Variants in RAB37 observed in about 807,000 individuals in gnomAD.
RAB37 encodes the protein RAB37, member RAS oncogene family, also known as ras-related protein Rab-37.
In RAB37, 29 loss-of-function variants were observed where a neutral mutation model predicts 33.1. That is an observed-to-expected ratio of 0.88 (90% CI 0.65 to 1.20). The LOEUF (loss-of-function observed/expected upper bound fraction) is 1.20. Ranked by LOEUF, RAB37 falls within the 50% of genes most tolerant of loss-of-function variation. The pLI, the probability that RAB37 is intolerant of heterozygous loss-of-function variation, is 0.00. For missense variants in RAB37, 299 were observed against 301.1 expected, an observed-to-expected ratio of 0.99 and a Z score of 0.05; for synonymous variants, 128 against 119.5, an observed-to-expected ratio of 1.07 and a Z score of -0.47.
chr17:74,733,944 C>T (rs1474294660), upstream of RAB37, among the ~76,000 whole-genome samples: 1 of 152,172 alleles, frequency 6.6e-6, no homozygotes, highest in Non-Finnish European at 1.5e-5. Flanking sequence ...AAGACTTCTT[C>T]CCTAGGTCAG....
At chr17:74,718,326 T>TATCATATCATATCATATCA (rs1555591409) in intron 1 of RAB37, among the ~76,000 whole-genome samples, 3 of 148,906 alleles carry the variant, frequency 2.0e-5, no homozygotes, top group African/African-American at 7.4e-5. Flanking sequence ...CATCATATCA[T>TATCATATCATATCATATCA]ATCATATCAT....
At chr17:74,713,899 CAAAAAAAAAA>C (rs55993385) in intron 1 of RAB37, among the ~76,000 whole-genome samples, 6 of 51,160 alleles carry the variant, frequency 1.2e-4, no homozygotes, top group Admixed American at 6.3e-4. Flanking sequence ...TTCATCTCCA[CAAAAAAAAAA>C]AAAAAAAAAA....
At chr17:74,685,072 A>G (rs2032027869) in intron 1 of RAB37, among the ~76,000 whole-genome samples, 1 of 151,664 alleles carries the variant, frequency 6.6e-6, no homozygotes, top group Non-Finnish European at 1.5e-5. Context: ...TGTACCTACC[A>G]TCTATATTTA....
chr17:74,711,997 T>A (rs1265205587), intron 1 of RAB37, among the ~76,000 whole-genome samples: 1 of 150,418 alleles, frequency 6.6e-6, no homozygotes, highest in Non-Finnish European at 1.5e-5. Context: ...CTCCAACTCC[T>A]GGGCTCAAGT....
rs143947566 is a variant in RAB37, at chr17:74,742,815, C to T, written c.247-314C>T. ...TAATTTTTTGTATTTTTAGTAGAGACGGGGTTTCACTGTGTTAGCCAGGAT... is the reference window on the plus strand; with the variant it reads ...TAATTTTTTGTATTTTTAGTAGAGATGGGGTTTCACTGTGTTAGCCAGGAT... On this transcript the variant is annotated intron_variant, in intron 3 of 8. Coordinates refer to ENST00000392613, the MANE Select transcript of RAB37 (RefSeq NM_001006638.3). This position sits in a 1 kb window ranked among gnomAD's most constrained non-coding sequence, Gnocchi z 4.0. Among the ~76,000 whole-genome samples the T allele has an allele frequency of 2.7e-3, 408 of 151,974 alleles. 3 individuals are homozygous for T. Among genetic ancestry groups the T allele is most frequent in the African/African-American group, 9.2e-3 (382 of 41,444 alleles).
intron 1 of RAB37, among the ~76,000 whole-genome samples, chr17:74,721,558 G>A (rs892776723): frequency 2.6e-5 from 4 of 151,322 alleles, no homozygotes; most frequent in East Asian, 1.9e-4. Context: ...TCAGCTTCCC[G>A]AGTAGCTGGC....
At position 74,745,513 on chromosome 17, in the gene RAB37, T is replaced by C. The variant is rs1039459435; in HGVS notation, c.*102T>C. On this transcript the variant is annotated 3_prime_UTR_variant, in exon 9 of 9. Transcript: ENST00000392613. This position sits in a 1 kb window ranked among gnomAD's most constrained non-coding sequence, Gnocchi z 4.5. ...GAGGCTGAGCCAATGGGGAGAAAGA[T>C]GGAGGACTCACTGCACAGCCGCTTC... The C allele has an allele frequency of 2.1e-5, 20 of 938,614 alleles. No individual in the cohort carries two copies. Among genetic ancestry groups the C allele is most frequent in the Non-Finnish European group, 3.2e-5 (19 of 593,162 alleles). The allele number at this position is 938,614 out of a possible 1,614,324, so 58.1% of individuals were successfully genotyped here. A position where few individuals can be genotyped will look rare whatever the true frequency, so the allele number is the denominator to read the frequency against.
At chr17:74,705,428 A>T in intron 1 of RAB37, 2 of 513,418 alleles carry the variant, frequency 3.9e-6, no homozygotes, top group Non-Finnish European at 7.1e-6. Context: ...AATTGCTTTG[A>T]CCCCTTTGTC....
intron 1 of RAB37, among the ~76,000 whole-genome samples, chr17:74,712,507 G>A (rs2034040149): frequency 6.6e-6 from 1 of 152,204 alleles, no homozygotes; most frequent in South Asian, 2.1e-4. Context: ...TCCAGGATCA[G>A]GCAGTCGCCT....
At chr17:74,719,733 C>G (rs2034214077) in intron 1 of RAB37, among the ~76,000 whole-genome samples, 1 of 152,058 alleles carries the variant, frequency 6.6e-6, no homozygotes, top group Non-Finnish European at 1.5e-5. Flanking sequence ...TCAAGCTGGT[C>G]TCGAACTCCT....
Position 74,729,213 on chromosome 17 carries a change from C to A in RAB37, c.73-43C>A. ...CACAAGGACACCTCTGAGGCCAACTCACATCACAGGCCCTCAGCTCTCTCT... is the reference window on the plus strand; with the variant it reads ...CACAAGGACACCTCTGAGGCCAACTAACATCACAGGCCCTCAGCTCTCTCT... On this transcript the variant is annotated intron_variant, in intron 1 of 7. Transcript: ENST00000340415. This position sits in a 1 kb window ranked among gnomAD's most constrained non-coding sequence, Gnocchi z 4.2. 1 of 1,465,542 alleles carries A rather than the reference C, an allele frequency of 6.8e-7. No individual in the cohort carries two copies. The highest frequency in any genetic ancestry group is 9.6e-7 in the Non-Finnish European group (1 of 1,044,336). 90.8% of individuals were successfully genotyped at this position (1,465,542 alleles called of 1,614,324 possible). A position where few individuals can be genotyped will look rare whatever the true frequency, so the allele number is the denominator to read the frequency against.
At chr17:74,728,302 T>C (rs1214935343) in intron 1 of RAB37, among the ~76,000 whole-genome samples, 1 of 152,170 alleles carries the variant, frequency 6.6e-6, no homozygotes, top group Non-Finnish European at 1.5e-5. Flanking sequence ...GTTCTGTGTG[T>C]ATGTGTGTGT....
intron 1 of RAB37, chr17:74,695,722 C>T: frequency 2.5e-6 from 4 of 1,614,140 alleles, no homozygotes; most frequent in Non-Finnish European, 3.4e-6. Context: ...ATGGAGGACG[C>T]ACCATGGTGA....
At chr17:74,720,793 G>A (rs529464665) in intron 1 of RAB37, among the ~76,000 whole-genome samples, 4 of 152,182 alleles carry the variant, frequency 2.6e-5, no homozygotes, top group Admixed American at 1.3e-4. Flanking sequence ...TGGTACCCGG[G>A]TTCTTGTCAG....
At chr17:74,674,311 G>C (rs1364728333) in intron 1 of RAB37, among the ~76,000 whole-genome samples, 2 of 122,606 alleles carry the variant, frequency 1.6e-5, no homozygotes, top group African/African-American at 5.3e-5. Context: ...TGAACTCCTG[G>C]CCTCAAGAGA....
chr17:74,677,304 A>C (rs2031855433), intron 1 of RAB37: 1 of 152,250 alleles, frequency 6.6e-6, no homozygotes, highest in Non-Finnish European at 1.5e-5. Flanking sequence ...TCCCTGCCAG[A>C]AAATTGTACA....
In RAB37 at chr17:74,744,691, A is replaced by G. The variant is rs948903757; in HGVS notation, c.433-182A>G. 1.4e-6 allele frequency: 1 copy of G among 710,002 alleles called. No individual in the cohort carries two copies. The highest frequency in any genetic ancestry group is 1.8e-5 in the African/African-American group (1 of 56,214). 44.0% of individuals were successfully genotyped at this position (710,002 alleles called of 1,614,324 possible). On this transcript the variant is annotated intron_variant, in intron 6 of 8. Transcript: ENST00000392613. This position sits in a 1 kb window ranked among gnomAD's most constrained non-coding sequence, Gnocchi z 4.2. ...CTGTCCTATTCCAAGACCCTTTACC[A>G]AAGGTGAGATCCCAGAGCTGGGAGC...
chr17:74,721,948 C>T (rs975401609), intron 1 of RAB37, among the ~76,000 whole-genome samples: 5 of 152,052 alleles, frequency 3.3e-5, no homozygotes, highest in African/African-American at 4.8e-5. Context: ...GTCATTGTAT[C>T]GGTTAGGGTT....
chr17:74,711,381 T>C (rs2143937484), intron 1 of RAB37, among the ~76,000 whole-genome samples: 2 of 152,348 alleles, frequency 1.3e-5, no homozygotes, highest in African/African-American at 4.8e-5. Context: ...CAGCCATACC[T>C]GTCCTGGTCT....
Sources: gnomAD v4.1 joint callset for allele counts (sites outside exome capture counted in the v4.1 genomes callset) on GRCh38, gnomAD v4.1.1 for gene constraint, Gnocchi (gnomAD v3.1) non-coding constraint, MANE v1.5 for transcripts, NCBI Gene and HGNC (gene_info 2026-07-23, HGNC 2026-07-21) for gene names.